Variants in SYNC observed in about 807,000 individuals in gnomAD.
The protein encoded by SYNC is syncoilin.
A neutral mutation model predicts 49.5 loss-of-function variants in SYNC; 38 were observed. The ratio of observed to expected loss-of-function variants is 0.77; its 90% confidence interval spans 0.59 to 1.01. The LOEUF is 1.01. Ranked by LOEUF, SYNC falls within the 50% of genes least tolerant of loss-of-function variation. SYNC has a pLI of 0.00. For missense variants in SYNC, 579 were observed against 580.6 expected (o/e 1.00, Z 0.03); for synonymous variants, 201 against 230.8 (o/e 0.87, Z 1.17).
At chr1:32,701,809 G>A (rs1250199365) in intron 1 of SYNC, among the ~76,000 whole-genome samples, 1 of 152,206 alleles carries the variant, frequency 6.6e-6, no homozygotes, top group Non-Finnish European at 1.5e-5. Context: ...CTCCAACCCT[G>A]TTCAGGGATG....
At position 32,695,192 on chromosome 1, in the gene SYNC, C is replaced by G. The variant is rs1306938847; in HGVS notation, c.906G>C (p.Leu302=). 2 of 1,563,326 alleles carry G rather than the reference C, an allele frequency of 1.3e-6. No individual in the cohort carries two copies. The highest frequency in any genetic ancestry group is 4.8e-5 in the East Asian group (2 of 41,582). The change falls in exon 2 of 5, where the codon CTG becomes CTC. Residue 302 remains leucine (L), a synonymous_variant. Transcript: ENST00000409190. The part of the protein sequence containing the change: ...RDAYQKQKEQ[L]RQQLEAPPSQ... ...TTGGAGGGGCTTCTAGTTGTTGCCG[C>G]AGCTGCTCCTTCTGCTTCTGATAGG...
chr1:32,695,773 C>T lies in SYNC; in HGVS notation c.325G>A (p.Val109Met), dbSNP rs1473895061. The T allele has an allele frequency of 1.9e-6, 3 of 1,551,634 alleles. No homozygotes were observed. The highest frequency in any genetic ancestry group is 2.6e-6 in the Non-Finnish European group (3 of 1,147,040). The change falls in exon 2 of 5, where the codon GTG becomes ATG. Residue 109 changes from valine (V) to methionine (M), a missense_variant. Physicochemically the swap from Val to Met is conservative, Grantham distance 21 (BLOSUM62 1). Transcript: ENST00000409190. The part of the protein sequence containing the change: ...EPGNPEETVC[V>M]EETTEPDRIQ... The stretch of plus-strand genomic sequence containing the variant: ...CGATCTGGCTCCGTGGTTTCCTCCA[C>T]ACACACTGTCTCCTCTGGATTCCCA...
Position 32,694,947 on chromosome 1 carries a change from T to C in SYNC, c.1151A>G (p.Gln384Arg). 6.2e-7 allele frequency: 1 copy of C among 1,613,962 alleles called. No homozygotes were observed. Among genetic ancestry groups the C allele is most frequent in the Non-Finnish European group, 8.5e-7 (1 of 1,179,996 alleles). The change falls in exon 2 of 5, where the codon CAG becomes CGG. Residue 384 changes from glutamine (Q) to arginine (R), a missense_variant. Gln to Arg is a conservative substitution (Grantham distance 43, BLOSUM62 1). Coordinates refer to ENST00000409190, the MANE Select transcript of SYNC (RefSeq NM_030786.3). Reference protein sequence around the residue: ...ALRPLQAEARQLRLQNRNLED... With the variant: ...ALRPLQAEARRLRLQNRNLED... The stretch of plus-strand genomic sequence containing the variant: ...CAGGTTCCTGTTTTGCAGGCGGAGC[T>C]GCCGGGCCTCTGCTTGCAGGGGTCT...
In SYNC at chr1:32,691,697, TTAGA is replaced by T. The variant is rs199621755; in HGVS notation, c.1233+3164_1233+3167del. Reference sequence around the variant, plus strand: ...CTAATTATATTTCAGATATGTTGAGTTAGATAAAATATATTTAAATTAATTTTAC... The same window carrying T: ...CTAATTATATTTCAGATATGTTGAGTTAAAATATATTTAAATTAATTTTAC... On this transcript the variant is annotated intron_variant, in intron 2 of 4. Coordinates refer to ENST00000409190, the MANE Select transcript of SYNC (RefSeq NM_030786.3). Among the ~76,000 whole-genome samples, 1,160 of 152,294 alleles carry T rather than the reference TTAGA, an allele frequency of 7.6e-3. 20 individuals carry two copies. The highest frequency in any genetic ancestry group is 0.027 in the African/African-American group (1,109 of 41,556).
At chr1:32,684,227 A>T in intron 3 of SYNC, 31 bp downstream of exon 3, 1 of 1,613,848 alleles carries the variant, frequency 6.2e-7, no homozygotes, top group African/African-American at 1.3e-5. Flanking sequence ...AGCCAGTATT[A>T]GATGAGATTT....
chr1:32,686,745 T>G (rs1649857334), intron 2 of SYNC, among the ~76,000 whole-genome samples: 1 of 152,108 alleles, frequency 6.6e-6, no homozygotes, highest in Non-Finnish European at 1.5e-5. Flanking sequence ...GATATGGGAG[T>G]ATTATTAATC....
Position 32,694,951 on chromosome 1 carries a change from G to C in SYNC, c.1147C>G (p.Arg383Gly). 6.2e-7 allele frequency: 1 copy of C among 1,613,910 alleles called. No homozygotes were observed. The highest frequency in any genetic ancestry group is 8.5e-7 in the Non-Finnish European group (1 of 1,180,010). ...EALRPLQAEA[R>G]QLRLQNRNLE... ...TTCCTGTTTTGCAGGCGGAGCTGCC[G>C]GGCCTCTGCTTGCAGGGGTCTCAGA... The change falls in exon 2 of 5, where the codon CGG (arginine) becomes GGG (glycine). Residue 383 changes from arginine (R) to glycine (G), a missense_variant. By Grantham distance (125) the Arg-to-Gly change is moderately radical. Coordinates refer to ENST00000409190, the MANE Select transcript of SYNC (RefSeq NM_030786.3).
chr1:32,695,246 G>A lies in SYNC; in HGVS notation c.852C>T (p.Leu284=), dbSNP rs1650357923. 3 of 1,552,108 alleles carry A rather than the reference G, an allele frequency of 1.9e-6. No homozygotes were observed. The highest frequency in any genetic ancestry group is 2.6e-6 in the Non-Finnish European group (3 of 1,147,230). The part of the protein sequence containing the change: ...REVLTTRATQ[L]SEELAQLRDA... ...CCCGGAGCTGGGCCAGTTCCTCTGA[G>A]AGCTGGGTTGCCCTTGTAGTCAGCA... Residue 284 remains leucine, a synonymous_variant, in exon 2 of 5, where the codon CTC becomes CTT. Coordinates refer to ENST00000409190, the MANE Select transcript of SYNC (RefSeq NM_030786.3).
Position 32,702,503 on chromosome 1 carries a change from T to C in SYNC, c.53+105A>G. 1 of 1,095,480 alleles carries C rather than the reference T, an allele frequency of 9.1e-7. No individual in the cohort carries two copies. Among genetic ancestry groups the C allele is most frequent in the Non-Finnish European group, 1.1e-6 (1 of 880,826 alleles). The allele number at this position is 1,095,480 out of a possible 1,614,324, so 67.9% of individuals were successfully genotyped here. On this transcript the variant is annotated intron_variant, in intron 1 of 4. Coordinates refer to ENST00000409190, the MANE Select transcript of SYNC (RefSeq NM_030786.3). This position sits in a 1 kb window ranked among gnomAD's most constrained non-coding sequence, Gnocchi z 6.2. The stretch of plus-strand genomic sequence containing the variant: ...CAGTGCCCCACCCCGGCTGGACCAC[T>C]ACCCCTAGACAGGCGAAAGACGCCC...
intron 2 of SYNC, among the ~76,000 whole-genome samples, chr1:32,693,830 G>A (rs1005288265): frequency 4.6e-5 from 7 of 152,210 alleles, no homozygotes; most frequent in Non-Finnish European, 7.3e-5. Context: ...GTGAAGATGA[G>A]AGGATTCTAT....
chr1:32,679,943 T>C lies in SYNC; in HGVS notation c.*1907A>G. ...TTCAGGAATTTTCTAGTAACCCAGG[T>C]CTAAAGTAGCTACAGAAAGGGGAAT... is the stretch of plus-strand genomic sequence containing the variant. On this transcript the variant is annotated 3_prime_UTR_variant, in exon 5 of 5. Transcript: ENST00000409190. The C allele has an allele frequency of 7.8e-7, 1 of 1,288,972 alleles. No homozygotes were observed. The highest frequency in any genetic ancestry group is 9.8e-7 in the Non-Finnish European group (1 of 1,021,244). The allele number at this position is 1,288,972 out of a possible 1,614,324, so 79.8% of individuals were successfully genotyped here.
intron 2 of SYNC, 200 bp from the exon 3 acceptor site, chr1:32,684,582 G>A (rs1357675488): frequency 4.3e-6 from 3 of 694,392 alleles, no homozygotes; most frequent in Non-Finnish European, 6.8e-6. Flanking sequence ...TGAAAATGAT[G>A]ACGAAAAAGG....
intron 1 of SYNC, among the ~76,000 whole-genome samples, chr1:32,700,382 A>T (rs906523222): frequency 1.3e-5 from 2 of 152,174 alleles, no homozygotes; most frequent in African/African-American, 4.8e-5. Context: ...ATTTTACATG[A>T]ATACTCATTT....
At position 32,680,360 on chromosome 1, in the gene SYNC, T is replaced by TG. The variant is rs1649354616; in HGVS notation, c.*1489_*1490insC. On this transcript the variant is annotated 3_prime_UTR_variant, in exon 5 of 5. Transcript: ENST00000409190. ...GGTGTTTTTTTTTTTGTTGTTGGTTTTTTTTTTTTTTTTTTTAACTTGGGA... is the reference window on the plus strand; with the variant it reads ...GGTGTTTTTTTTTTTGTTGTTGGTTTGTTTTTTTTTTTTTTTTAACTTGGGA... 1.1e-5 allele frequency: 9 copies of TG among 845,250 alleles called. No individual in the cohort carries two copies. The highest frequency in any genetic ancestry group is 4.8e-5 in the South Asian group (1 of 20,836). 52.4% of individuals were successfully genotyped at this position (845,250 alleles called of 1,614,324 possible). A position where few individuals can be genotyped will look rare whatever the true frequency, so the allele number is the denominator to read the frequency against.
intron 1 of SYNC, 133 bp from the exon 2 acceptor site, chr1:32,696,177 C>T: frequency 1.4e-6 from 1 of 696,276 alleles, no homozygotes; most frequent in South Asian, 1.9e-5. Context: ...TCCCTCCACT[C>T]TGTCAATCCA....
Position 32,702,629 on chromosome 1 carries a change from T to C in SYNC, c.32A>G (p.Asp11Gly). 4.3e-6 allele frequency: 5 copies of C among 1,176,366 alleles called. No homozygotes were observed. The highest frequency in any genetic ancestry group is 3.1e-6 in the Non-Finnish European group (3 of 955,300). The allele number at this position is 1,176,366 out of a possible 1,614,324, so 72.9% of individuals were successfully genotyped here. A position where few individuals can be genotyped will look rare whatever the true frequency, so the allele number is the denominator to read the frequency against. MASPEPRRGG[D>G]GAAQAARKTR... is the part of the protein sequence containing the mutation. ...CTACCTCGCGGCCTGGGCGGCGCCG[T>C]CCCCGCCGCGCCGGGGCTCCGGGCT... The change falls in exon 1 of 5, where the codon GAC becomes GGC. Residue 11 changes from aspartate (D) to glycine (G), a missense_variant. Transcript: ENST00000409190. The surrounding 1 kb of genome is among the most constrained non-coding windows in gnomAD (Gnocchi z 6.2).
rs890172948 is a variant in SYNC, at chr1:32,696,278, C to T, written c.54-234G>A. On this transcript the variant is annotated intron_variant, in intron 1 of 4. Coordinates refer to ENST00000409190, the MANE Select transcript of SYNC (RefSeq NM_030786.3). ...CTCTGCTTATGCAGCTCCAAGGACT[C>T]GACATACCTGAGGCACCACTGTTTG... Among the ~76,000 whole-genome samples the T allele has an allele frequency of 3.3e-5, 5 of 151,932 alleles. No homozygotes were observed. In the South Asian group the frequency reaches 6.3e-4, roughly 19 times the overall value.
In SYNC at chr1:32,681,822, T is replaced by C; in HGVS notation, c.*28A>G. ...CTTTGCTAAGAAGTTTTTTGCTGTT[T>C]CCGGGTTACAGATTTGGCCATATAT... is the stretch of plus-strand genomic sequence containing the variant. On this transcript the variant is annotated 3_prime_UTR_variant, in exon 5 of 5. Transcript: ENST00000409190. The C allele has an allele frequency of 6.2e-7, 1 of 1,614,184 alleles. No homozygotes were observed. The highest frequency in any genetic ancestry group is 8.5e-7 in the Non-Finnish European group (1 of 1,180,026).
chr1:32,702,800 G>T, upstream of SYNC: 1 of 662,738 alleles, frequency 1.5e-6, no homozygotes, highest in Non-Finnish European at 1.9e-6. This position sits in a 1 kb window ranked among gnomAD's most constrained non-coding sequence, Gnocchi z 6.2. Context: ...GCGCCCACTT[G>T]GCCGGGGCTC....
Sources: gnomAD v4.1 joint callset for allele counts (sites outside exome capture counted in the v4.1 genomes callset) on GRCh38, gnomAD v4.1.1 for gene constraint, Gnocchi (gnomAD v3.1) non-coding constraint, MANE v1.5 for transcripts, NCBI Gene and HGNC (gene_info 2026-07-23, HGNC 2026-07-21) for gene names.